The following PATJ variants were observed in gnomAD, a reference collection of about 807,000 sequenced individuals.
PATJ encodes PATJ crumbs cell polarity complex component.
Under a neutral mutation model 224.9 loss-of-function variants are expected in PATJ, and 190 were observed. The ratio of observed to expected loss-of-function variants is 0.84; its 90% CI spans 0.75 to 0.95. The LOEUF is 0.95. PATJ is among the 40% of genes least tolerant of loss of function. The pLI is 0.00. For synonymous variants in PATJ, 769 were observed against 820.3 expected (o/e 0.94, Z 1.07); for missense variants, 2,121 against 2,270.3 (o/e 0.93, Z 1.34).
At chr1:61,935,687 A>G (rs1676742744) in intron 27 of PATJ, among the ~76,000 whole-genome samples, 1 of 152,080 alleles carries the variant, frequency 6.6e-6, no homozygotes, top group African/African-American at 2.4e-5. Flanking sequence ...GCTACTCAGG[A>G]GGCTGGGGCA....
intron 14 of PATJ, among the ~76,000 whole-genome samples, chr1:61,821,058 T>G (rs1354313760): frequency 1.3e-5 from 2 of 151,760 alleles, no homozygotes; most frequent in East Asian, 3.9e-4. Flanking sequence ...TTTTTTTTTT[T>G]GAGGCTGAGT....
intron 29 of PATJ, among the ~76,000 whole-genome samples, chr1:62,023,434 A>G (rs1647204516): frequency 6.6e-6 from 1 of 152,240 alleles, no homozygotes. Context: ...TTTACAGAAC[A>G]CCTACTTGTG....
At chr1:61,852,000 C>T (rs1432550078) in intron 17 of PATJ, among the ~76,000 whole-genome samples, 1 of 151,564 alleles carries the variant, frequency 6.6e-6, no homozygotes. Flanking sequence ...ATGGCAAAAC[C>T]CCATCTCTAC....
At chr1:61,954,707 A>G (rs542970227) in intron 27 of PATJ, among the ~76,000 whole-genome samples, 1 of 151,878 alleles carries the variant, frequency 6.6e-6, no homozygotes, top group South Asian at 2.1e-4. Context: ...TTTTTTAAAC[A>G]ATTTACTTTT....
chr1:61,901,433 C>A lies in PATJ; in HGVS notation c.3355C>A (p.Leu1119Ile). The change falls in exon 24 of 44, where the codon CTT (leucine) becomes ATT (isoleucine). Residue 1119 changes from leucine (L) to isoleucine (I), a missense_variant. Leu to Ile is a conservative substitution (Grantham distance 5). Coordinates refer to ENST00000642238, the MANE Select transcript of PATJ (RefSeq NM_001350145.3). ...EDSPAGKTNA[L>I]KTGDKILEVS... Reference sequence around the variant, plus strand: ...CAGTCCAGCAGGGAAGACGAACGCACTTAAAACTGGAGATAAAATACTTGA... The same window carrying A: ...CAGTCCAGCAGGGAAGACGAACGCAATTAAAACTGGAGATAAAATACTTGA... The A allele has an allele frequency of 6.3e-7, 1 of 1,583,974 alleles. No homozygotes were observed. Among genetic ancestry groups the A allele is most frequent in the Non-Finnish European group, 8.5e-7 (1 of 1,169,766 alleles).
chr1:61,956,489 G>A (rs1035853203), intron 27 of PATJ, among the ~76,000 whole-genome samples: 3 of 152,152 alleles, frequency 2.0e-5, no homozygotes, highest in Non-Finnish European at 2.9e-5. Flanking sequence ...GAATGAGAAG[G>A]CAGCACCTTA....
chr1:62,110,039 G>A (rs1434882943), intron 34 of PATJ, among the ~76,000 whole-genome samples: 3 of 152,194 alleles, frequency 2.0e-5, no homozygotes, highest in East Asian at 1.9e-4. Context: ...TATTTTAAGT[G>A]AGAGGAGAAT....
At chr1:62,087,365 T>C (rs1343217124) in intron 33 of PATJ, among the ~76,000 whole-genome samples, 1 of 151,914 alleles carries the variant, frequency 6.6e-6, no homozygotes, top group African/African-American at 2.4e-5. Flanking sequence ...CTGAGATCTT[T>C]GTAGGCATAG....
At chr1:61,992,692 T>C (rs1054776445) in intron 28 of PATJ, among the ~76,000 whole-genome samples, 1 of 152,200 alleles carries the variant, frequency 6.6e-6, no homozygotes, top group Non-Finnish European at 1.5e-5. Context: ...ATTTTATTTC[T>C]CTGTCTGACA....
At chr1:62,069,047 C>T (rs897451030) in intron 31 of PATJ, among the ~76,000 whole-genome samples, 20 of 152,082 alleles carry the variant, frequency 1.3e-4, no homozygotes, top group Non-Finnish European at 2.6e-4. Flanking sequence ...GGAAAGCGAC[C>T]CAAGGTCACT....
At chr1:61,934,859 G>A (rs150817316) in intron 27 of PATJ, among the ~76,000 whole-genome samples, 3 of 152,238 alleles carry the variant, frequency 2.0e-5, no homozygotes, top group Admixed American at 6.5e-5. Flanking sequence ...AGGTTTGCTC[G>A]TGGTGCTTCG....
chr1:62,125,763 A>G (rs1665655666), intron 39 of PATJ, among the ~76,000 whole-genome samples: 1 of 151,882 alleles, frequency 6.6e-6, no homozygotes, highest in South Asian at 2.1e-4. Context: ...TGATCCAAGC[A>G]TAAATTTCTT....
rs1657581800 is a variant in PATJ, at chr1:61,822,963, C to T, written c.1702C>T (p.Leu568=). ...KYSKLLPIHT[L]RLGVEVDSFD... is the part of the protein sequence containing the mutation. The stretch of plus-strand genomic sequence containing the variant: ...GCTACAGCTGCTGCCTATTCACACT[C>T]TGAGGCTTGGTGTGGAAGTGGATTC... The change falls in exon 15 of 44, where the codon CTG becomes TTG. Residue 568 remains leucine (L), a synonymous_variant. Coordinates refer to ENST00000642238, the MANE Select transcript of PATJ (RefSeq NM_001350145.3). The T allele has an allele frequency of 6.2e-7, 1 of 1,614,124 alleles. No individual in the cohort carries two copies. The highest frequency in any genetic ancestry group is 8.5e-7 in the Non-Finnish European group (1 of 1,179,994).
At chr1:62,125,670 A>T (rs1395801740) in intron 39 of PATJ, among the ~76,000 whole-genome samples, 1 of 152,326 alleles carries the variant, frequency 6.6e-6, no homozygotes, top group East Asian at 1.9e-4. Context: ...ATATTCTTTT[A>T]TATTTCCTTA....
intron 31 of PATJ, among the ~76,000 whole-genome samples, chr1:62,071,029 A>C (rs2148684888): frequency 6.6e-6 from 1 of 152,340 alleles, no homozygotes; most frequent in East Asian, 1.9e-4. Context: ...GAACATGCCT[A>C]GGAAAGAGAC....
intron 5 of PATJ, among the ~76,000 whole-genome samples, chr1:61,770,077 C>G (rs1035225853): frequency 6.6e-6 from 1 of 152,114 alleles, no homozygotes; most frequent in African/African-American, 2.4e-5. Context: ...AGAATAATAG[C>G]AACAATGGTA....
At chr1:61,965,576 C>G (rs545647665) in intron 27 of PATJ, among the ~76,000 whole-genome samples, 1 of 152,210 alleles carries the variant, frequency 6.6e-6, no homozygotes, top group East Asian at 1.9e-4. Context: ...TTTGATCCCA[C>G]GAGGGGAAGT....
intron 33 of PATJ, among the ~76,000 whole-genome samples, chr1:62,084,992 TGGCTCAC>T (rs1176072767): frequency 6.6e-6 from 1 of 152,164 alleles, no homozygotes; most frequent in Non-Finnish European, 1.5e-5. Context: ...CTGAGCACAG[TGGCTCAC>T]GCCTGTAATC....
At chr1:62,039,002 C>T in intron 30 of PATJ, 1 of 1,321,290 alleles carries the variant, frequency 7.6e-7, no homozygotes, top group Non-Finnish European at 1.1e-6. Flanking sequence ...GCTGAGCTAA[C>T]CTCTGACCCC....
Sources: allele counts gnomAD v4.1 joint callset (sites outside exome capture counted in the v4.1 genomes callset), GRCh38; gene constraint gnomAD v4.1.1; transcripts MANE v1.5; gene names NCBI Gene and HGNC (gene_info 2026-07-23, HGNC 2026-07-21).